TLDC2: variants seen among roughly 807,000 people sequenced by gnomAD.
The protein encoded by TLDC2 is TLD domain-containing protein 2.
Under a neutral mutation model 27.9 loss-of-function variants are expected in TLDC2, and 23 were observed. The observed-to-expected ratio is 0.82, with a 90% CI of 0.59 to 1.17. The LOEUF is 1.17. Among genes scored for constraint, TLDC2 ranks in the 50% most tolerant of loss-of-function variants. TLDC2 has a pLI of 0.00. For missense variants in TLDC2, 286 were observed against 273.4 expected (o/e 1.05, Z -0.32); for synonymous variants, 124 against 107.4 (o/e 1.16, Z -0.96).
At chr20:36,889,698 C>G (rs1474741036) in intron 6 of TLDC2, 1 of 232,750 alleles carries the variant, frequency 4.3e-6, no homozygotes, top group South Asian at 1.4e-4. Flanking sequence ...TGCCTCCTGG[C>G]AAAGGGAAGA....
chr20:36,878,475 G>A (rs1989726112), intron 2 of TLDC2, among the ~76,000 whole-genome samples: 1 of 152,088 alleles, frequency 6.6e-6, no homozygotes. Flanking sequence ...CAGCTACTCG[G>A]GAGGCTGAGG....
intron 1 of TLDC2, among the ~76,000 whole-genome samples, chr20:36,876,925 G>A (rs1320181534): frequency 6.6e-6 from 1 of 152,154 alleles, no homozygotes; most frequent in Non-Finnish European, 1.5e-5. Context: ...ACACATTGAT[G>A]TGCCTACACA....
chr20:36,877,843 G>A, intron 1 of TLDC2, 56 bp from the exon 2 acceptor site: 1 of 1,558,252 alleles, frequency 6.4e-7, no homozygotes, highest in Non-Finnish European at 8.7e-7. Flanking sequence ...TCAGGAGATG[G>A]TAGAAGCTGG....
intron 2 of TLDC2, 79 bp downstream of exon 2, chr20:36,878,133 C>T: frequency 6.8e-7 from 1 of 1,463,724 alleles, no homozygotes; most frequent in Non-Finnish European, 9.2e-7. Flanking sequence ...CCAGCCACGC[C>T]CAGGGGCACC....
rs991250266 is a variant in TLDC2, at chr20:36,892,123, G to A, written c.*18-739G>A. 2.0e-5 allele frequency: 3 copies of A among 152,394 alleles called. No individual in the cohort carries two copies. The South Asian group carries it at 6.2e-4, about 31-fold the overall frequency. The allele number at this position is 152,394 out of a possible 1,614,324, so 9.4% of individuals were successfully genotyped here. ...GTTTGGGGGATTCCTCTGTCACTGGGGTAGGATCTCCCAACAAGAGGCGGC... is the reference window on the plus strand; with the variant it reads ...GTTTGGGGGATTCCTCTGTCACTGGAGTAGGATCTCCCAACAAGAGGCGGC... On this transcript the variant is annotated intron_variant, in intron 6 of 6. Coordinates refer to ENST00000217320, the MANE Select transcript of TLDC2 (RefSeq NM_080628.3).
intron 6 of TLDC2, 66 bp from the exon 7 acceptor site, chr20:36,892,792 GTTAC>G: frequency 9.3e-7 from 1 of 1,073,494 alleles, no homozygotes; most frequent in Non-Finnish European, 1.4e-6. Flanking sequence ...TTGATTAAAA[GTTAC>G]TTAGCTTCAG....
chr20:36,887,558 G>C, intron 5 of TLDC2, 30 bp downstream of exon 5: 1 of 1,603,908 alleles, frequency 6.2e-7, no homozygotes, highest in African/African-American at 1.3e-5. Flanking sequence ...CGAGTCTTGG[G>C]GCGGTCTGTG....
chr20:36,893,685 C>T lies in TLDC2; in HGVS notation c.*841C>T. The T allele has an allele frequency of 2.6e-6, 1 of 389,136 alleles. No individual in the cohort carries two copies. The allele number at this position is 389,136 out of a possible 1,614,324, so 24.1% of individuals were successfully genotyped here. A position where few individuals can be genotyped will look rare whatever the true frequency, so the allele number is the denominator to read the frequency against. ...TGACTCTATGCTAAACTGTTCTGAACTTGTGGGTAGATCTTCTTTGGTTAC... is the reference window on the plus strand; with the variant it reads ...TGACTCTATGCTAAACTGTTCTGAATTTGTGGGTAGATCTTCTTTGGTTAC... On this transcript the variant is annotated 3_prime_UTR_variant, in exon 7 of 7. Transcript: ENST00000217320.
intron 5 of TLDC2, among the ~76,000 whole-genome samples, chr20:36,888,351 C>T (rs1318694179): frequency 6.6e-6 from 1 of 151,718 alleles, no homozygotes; most frequent in East Asian, 2.0e-4. Flanking sequence ...CCTGCCTCAG[C>T]GTCTCGAGTA....
intron 4 of TLDC2, among the ~76,000 whole-genome samples, chr20:36,886,874 G>A (rs939991571): frequency 2.0e-5 from 3 of 152,174 alleles, no homozygotes. Context: ...GCCATTGGAG[G>A]ACTTAGGCAG....
chr20:36,889,515 C>T, intron 6 of TLDC2, 112 bp downstream of exon 6: 1 of 1,338,544 alleles, frequency 7.5e-7, no homozygotes. Context: ...TGCTGGCCAG[C>T]CTCCTTGTGG....
At chr20:36,876,288 G>C (rs777341320) in intron 1 of TLDC2, 81 bp downstream of exon 1, 20 of 1,585,164 alleles carry the variant, frequency 1.3e-5, no homozygotes, top group Non-Finnish European at 1.5e-5. Context: ...GCCTGGGCTA[G>C]GGTTGGATGC....
intron 2 of TLDC2, 95 bp from the exon 3 acceptor site, chr20:36,878,946 G>C: frequency 6.3e-7 from 1 of 1,581,268 alleles, no homozygotes; most frequent in Non-Finnish European, 8.7e-7. Context: ...GTAAAGCACT[G>C]TGCTGGATGC....
chr20:36,880,201 C>T (rs898508183), intron 3 of TLDC2, among the ~76,000 whole-genome samples: 47 of 150,600 alleles, frequency 3.1e-4, no homozygotes, highest in Admixed American at 5.3e-4. Context: ...TCAAGCAATT[C>T]TCCTAACTCA....
rs1034022362 is a variant in TLDC2 at position 36,894,057 on chromosome 20, C to A, written c.*1213C>A. 2.3e-5 allele frequency: 9 copies of A among 396,948 alleles called. No individual in the cohort carries two copies. Among genetic ancestry groups the A allele is most frequent in the Non-Finnish European group, 4.0e-5 (9 of 225,436 alleles). 24.6% of individuals were successfully genotyped at this position (396,948 alleles called of 1,614,324 possible). A position where few individuals can be genotyped will look rare whatever the true frequency, so the allele number is the denominator to read the frequency against. ...GGTGGCCCCAGCTCCTGGACTCCCA[C>A]CTGCTCCCTTGGTCTCTCCTATCCT... On this transcript the variant is annotated 3_prime_UTR_variant, in exon 7 of 7. Transcript: ENST00000217320.
Position 36,889,088 on chromosome 20 carries a change from G to A in TLDC2, c.513-163G>A, listed in dbSNP as rs561836685. ...AGCTCTTAACCCCATGGGGAACAATGTGCTGAGTCCCCAATAATTCAGTAT... is the reference window on the plus strand; with the variant it reads ...AGCTCTTAACCCCATGGGGAACAATATGCTGAGTCCCCAATAATTCAGTAT... On this transcript the variant is annotated intron_variant, in intron 5 of 6. Coordinates refer to ENST00000217320, the MANE Select transcript of TLDC2 (RefSeq NM_080628.3). Among the ~76,000 whole-genome samples the A allele has an allele frequency of 4.6e-5, 7 of 152,298 alleles. No homozygotes were observed. The East Asian group carries it at 1.3e-3, about 29-fold the overall frequency.
chr20:36,882,556 G>A (rs1288226999), intron 4 of TLDC2, among the ~76,000 whole-genome samples: 1 of 152,104 alleles, frequency 6.6e-6, no homozygotes, highest in Non-Finnish European at 1.5e-5. Context: ...AAATTGTTCA[G>A]TGGATGAAGT....
chr20:36,887,805 G>A (rs905120639), intron 5 of TLDC2, among the ~76,000 whole-genome samples: 8 of 152,206 alleles, frequency 5.3e-5, no homozygotes, highest in African/African-American at 1.7e-4. Flanking sequence ...ATTCCACATG[G>A]TTGGATGAGA....
In TLDC2 at chr20:36,892,851, T is replaced by C; in HGVS notation, c.*18-11T>C. The C allele has an allele frequency of 6.4e-7, 1 of 1,557,532 alleles. No individual in the cohort carries two copies. The highest frequency in any genetic ancestry group is 2.2e-5 in the East Asian group (1 of 44,596). ...TACAAAATTAAAGCATGAGTTGTCA[T>C]TAATTTGCAGAATTCTATGATTGAA... is the stretch of plus-strand genomic sequence containing the variant. On this transcript the variant is annotated splice_polypyrimidine_tract_variant and intron_variant, in intron 6 of 6. Transcript: ENST00000217320.
Sources: gnomAD v4.1 joint callset for allele counts (sites outside exome capture counted in the v4.1 genomes callset) on GRCh38, gnomAD v4.1.1 for gene constraint, MANE v1.5 for transcripts, NCBI Gene and HGNC (gene_info 2026-07-23, HGNC 2026-07-21) for gene names.